Variants in CPNE5 observed in about 807,000 individuals in gnomAD.
CPNE5 encodes copine-5.
In CPNE5, 42 loss-of-function variants were observed where a neutral mutation model predicts 81.1. That is an observed-to-expected ratio of 0.52 (90% confidence interval 0.40 to 0.67). The LOEUF (loss-of-function observed/expected upper bound fraction) is 0.67. Ranked by LOEUF, CPNE5 falls within the 30% of genes least tolerant of loss-of-function variation. The probability of loss-of-function intolerance (pLI) is 0.00; values close to 1 mark genes in which losing one functional copy is unlikely to be tolerated. For synonymous variants in CPNE5, 313 were observed against 321.5 expected, an observed-to-expected ratio of 0.97 and a Z score of 0.28; for missense variants, 612 against 815.5, an observed-to-expected ratio of 0.75 and a Z score of 3.04.
At chr6:36,758,558 A>G (rs1336495561) in intron 12 of CPNE5, among the ~76,000 whole-genome samples, 1 of 151,894 alleles carries the variant, frequency 6.6e-6, no homozygotes, top group Non-Finnish European at 1.5e-5. Flanking sequence ...CTTAGTTGCT[A>G]TTTTTCAAAA....
intron 13 of CPNE5, chr6:36,756,037 C>A (rs754677001): frequency 1.7e-6 from 1 of 571,492 alleles, no homozygotes; most frequent in East Asian, 3.1e-5. Context: ...TAGATACAGC[C>A]AGCGCCTGTT....
At chr6:36,757,258 T>C (rs1430377256) in intron 12 of CPNE5, 10 of 928,186 alleles carry the variant, frequency 1.1e-5, no homozygotes, top group Non-Finnish European at 1.3e-5. Flanking sequence ...TAATGTCCCA[T>C]CAAACAAAGC....
At position 36,746,698 on chromosome 6, in the gene CPNE5, TTC is replaced by T; in HGVS notation, c.1019-123_1019-122del. On this transcript the variant is annotated intron_variant, in intron 15 of 20. Transcript: ENST00000244751. The surrounding 1 kb of genome is among the most constrained non-coding windows in gnomAD (Gnocchi z 4.5). ...TTTTATTAATTCTTGACTCCTCTCT[TTC>T]TCTCATACCCCATGTTAAATCCTTC... 1.2e-6 allele frequency: 1 copy of T among 812,350 alleles called. No homozygotes were observed. Among genetic ancestry groups the T allele is most frequent in the Non-Finnish European group, 1.9e-6 (1 of 516,328 alleles). The allele number at this position is 812,350 out of a possible 1,614,324, so 50.3% of individuals were successfully genotyped here.
intron 12 of CPNE5, among the ~76,000 whole-genome samples, chr6:36,758,759 A>C (rs1765735429): frequency 6.6e-6 from 1 of 152,036 alleles, no homozygotes; most frequent in South Asian, 2.1e-4. Context: ...ACACAGAAGG[A>C]AGGCGCTGGA....
At chr6:36,743,070 G>A (rs1377049507) in intron 20 of CPNE5, 1 of 985,320 alleles carries the variant, frequency 1.0e-6, no homozygotes. Context: ...CCTATGTTTG[G>A]TCTCCACACC....
intron 9 of CPNE5, among the ~76,000 whole-genome samples, chr6:36,778,509 A>G (rs562334934): frequency 6.6e-6 from 1 of 152,254 alleles, no homozygotes; most frequent in African/African-American, 2.4e-5. Context: ...TGAAGGAGCT[A>G]TCAGAGGTTT....
rs561070997 is a variant in CPNE5, at chr6:36,792,221, G to T, written c.465-125C>A. On this transcript the variant is annotated intron_variant, in intron 7 of 20. Transcript: ENST00000244751. Reference sequence around the variant, plus strand: ...CTACCATCCAGCAGATCACCCCAAAGCCCCTGAGAAGACAGAGTCTCCTGA... The same window carrying T: ...CTACCATCCAGCAGATCACCCCAAATCCCCTGAGAAGACAGAGTCTCCTGA... The T allele has an allele frequency of 2.2e-4, 246 of 1,107,720 alleles. 2 individuals are homozygous for T. Among genetic ancestry groups the T allele is most frequent in the South Asian group, 1.9e-3 (143 of 73,848 alleles). 68.6% of individuals were successfully genotyped at this position (1,107,720 alleles called of 1,614,324 possible). A position where few individuals can be genotyped will look rare whatever the true frequency, so the allele number is the denominator to read the frequency against.
Position 36,823,103 on chromosome 6 carries a change from AAG to A in CPNE5, c.96-7_96-6del, listed in dbSNP as rs756750658. Reference sequence around the variant, plus strand: ...ATGTCTTTGTCCAGGAGGTTCCTGAAAGAGGGGGAGAGAGGAGGGGTTAGCAC... The same window carrying A: ...ATGTCTTTGTCCAGGAGGTTCCTGAAAGGGGGAGAGAGGAGGGGTTAGCAC... On this transcript the variant is annotated splice_region_variant and splice_polypyrimidine_tract_variant and intron_variant, in intron 1 of 20. Coordinates refer to ENST00000244751, the MANE Select transcript of CPNE5 (RefSeq NM_020939.2). 1.3e-6 allele frequency: 2 copies of A among 1,564,486 alleles called. No individual in the cohort carries two copies. Among genetic ancestry groups the A allele is most frequent in the South Asian group, 1.2e-5 (1 of 81,628 alleles).
At chr6:36,810,773 G>A (rs1377719151) in intron 3 of CPNE5, among the ~76,000 whole-genome samples, 3 of 152,178 alleles carry the variant, frequency 2.0e-5, no homozygotes, top group African/African-American at 7.2e-5. Flanking sequence ...AAATTACAGG[G>A]AGTGAGCCAT....
chr6:36,792,480 C>T lies in CPNE5; in HGVS notation c.465-384G>A, dbSNP rs182217353. 5 of 1,015,842 alleles carry T rather than the reference C, an allele frequency of 4.9e-6. No individual in the cohort carries two copies. The East Asian group carries it at 1.6e-4, about 33-fold the overall frequency. The allele number at this position is 1,015,842 out of a possible 1,614,324, so 62.9% of individuals were successfully genotyped here. On this transcript the variant is annotated intron_variant, in intron 7 of 20. Coordinates refer to ENST00000244751, the MANE Select transcript of CPNE5 (RefSeq NM_020939.2). ...AAAAGACCTCATGGGCTAGCCACCC[C>T]ACCTCACACCCAGCTGACCCCCAGC...
intron 10 of CPNE5, among the ~76,000 whole-genome samples, chr6:36,773,403 A>T (rs1362238245): frequency 1.3e-5 from 2 of 152,252 alleles, no homozygotes; most frequent in African/African-American, 4.8e-5. Context: ...GGCGCTTGCT[A>T]CAATGTATAA....
rs540637218 is a variant in CPNE5, at chr6:36,765,528, A to C, written c.738-152T>G. 1.9e-5 allele frequency: 16 copies of C among 827,528 alleles called. No individual in the cohort carries two copies. The African/African-American group carries it at 2.6e-4, about 13-fold the overall frequency. 51.3% of individuals were successfully genotyped at this position (827,528 alleles called of 1,614,324 possible). A position where few individuals can be genotyped will look rare whatever the true frequency, so the allele number is the denominator to read the frequency against. On this transcript the variant is annotated intron_variant, in intron 10 of 20. Transcript: ENST00000244751. ...GTGGGGAGGCAGCGGCTTGAGAGAC[A>C]AGGATCTCTCTTGAGGCCTTTTAGG...
At chr6:36,759,481 C>A (rs13203743) in intron 12 of CPNE5, among the ~76,000 whole-genome samples, 82,658 of 151,050 alleles carry the variant, frequency 0.55, 23,742 homozygotes, top group Non-Finnish European at 0.65. Context: ...CACTGAGGGG[C>A]TCCTAGGGGC....
intron 3 of CPNE5, among the ~76,000 whole-genome samples, chr6:36,800,424 G>A (rs1770000236): frequency 6.6e-6 from 1 of 152,142 alleles, no homozygotes; most frequent in Non-Finnish European, 1.5e-5. Flanking sequence ...CCTCCAGGAA[G>A]CCTTCCTGAT....
intron 10 of CPNE5, among the ~76,000 whole-genome samples, chr6:36,771,704 G>T (rs575850273): frequency 4.4e-4 from 67 of 152,270 alleles, no homozygotes; most frequent in African/African-American, 1.6e-3. Flanking sequence ...GCTCCAAGAG[G>T]TGTCTTGGAA....
At chr6:36,748,022 C>T (rs2150365234) in intron 15 of CPNE5, among the ~76,000 whole-genome samples, 199 bp downstream of exon 15, 1 of 152,328 alleles carries the variant, frequency 6.6e-6, no homozygotes, top group East Asian at 1.9e-4. Flanking sequence ...GCTCAGAGCC[C>T]AGATTTATGT....
chr6:36,839,911 G>A (rs984514584), upstream of CPNE5: 4 of 151,472 alleles, frequency 2.6e-5, no homozygotes, highest in Admixed American at 2.0e-4. This position sits in a 1 kb window ranked among gnomAD's most constrained non-coding sequence, Gnocchi z 7.3. Context: ...GGCGCCGGCG[G>A]CGACGGGGCT....
intron 8 of CPNE5, among the ~76,000 whole-genome samples, chr6:36,787,732 C>T (rs1388802078): frequency 6.6e-6 from 1 of 152,102 alleles, no homozygotes; most frequent in East Asian, 1.9e-4. Context: ...GGTGGGGAGG[C>T]CCCCGGGGCA....
chr6:36,808,754 G>A (rs867573220), intron 3 of CPNE5, among the ~76,000 whole-genome samples: 42 of 152,286 alleles, frequency 2.8e-4, no homozygotes, highest in Admixed American at 1.3e-3. Flanking sequence ...TGCGTGCCAC[G>A]CACTAAGTGT....
Sources: gnomAD v4.1 joint callset for allele counts (sites outside exome capture counted in the v4.1 genomes callset) on GRCh38, gnomAD v4.1.1 for gene constraint, Gnocchi (gnomAD v3.1) non-coding constraint, MANE v1.5 for transcripts, NCBI Gene and HGNC (gene_info 2026-07-23, HGNC 2026-07-21) for gene names.